Variants in UGT1A9 observed in about 807,000 individuals in gnomAD.
UGT1A9 encodes UDP-glucuronosyltransferase 1A9.
Under a neutral mutation model 45.0 loss-of-function variants are expected in UGT1A9, and 35 were observed. The observed-to-expected ratio is 0.78, with a 90% CI of 0.59 to 1.03. The LOEUF is 1.03. Ranked by LOEUF, UGT1A9 falls within the 50% of genes least tolerant of loss-of-function variation. The pLI, the probability that UGT1A9 is intolerant of heterozygous loss-of-function variation, is 0.00. For synonymous variants in UGT1A9, 278 were observed against 250.6 expected (o/e 1.11, Z -1.03); for missense variants, 687 against 666.6 (o/e 1.03, Z -0.34).
chr2:233,711,204 C>T (rs760514189), intron 1 of UGT1A9, among the ~76,000 whole-genome samples: 35 of 152,374 alleles, frequency 2.3e-4, no homozygotes, highest in Non-Finnish European at 4.4e-4. Context: ...CAGTCCTGCT[C>T]TCCCCAGTGC....
intron 1 of UGT1A9, among the ~76,000 whole-genome samples, chr2:233,733,673 A>G (rs1046219304): frequency 2.0e-5 from 3 of 152,206 alleles, no homozygotes; most frequent in African/African-American, 7.2e-5. Context: ...ATCGATGTGG[A>G]TAAACTTTTT....
In UGT1A9 at chr2:233,682,932, C is replaced by T. The variant is rs935120253; in HGVS notation, c.855+10143C>T. 4 of 1,451,804 alleles carry T rather than the reference C, an allele frequency of 2.8e-6. No homozygotes were observed. In the African/African-American group the frequency reaches 5.7e-5, roughly 21 times the overall value. The allele number at this position is 1,451,804 out of a possible 1,614,324, so 89.9% of individuals were successfully genotyped here. Reference sequence around the variant, plus strand: ...TTTAAGGAATTCTTTTGTACCAATTCACTTAATTGTTGGGTAGCAAATTGT... The same window carrying T: ...TTTAAGGAATTCTTTTGTACCAATTTACTTAATTGTTGGGTAGCAAATTGT... On this transcript the variant is annotated intron_variant, in intron 1 of 4. Coordinates refer to ENST00000354728, the MANE Select transcript of UGT1A9 (RefSeq NM_021027.3).
At chr2:233,704,862 G>T (rs991681240) in intron 1 of UGT1A9, among the ~76,000 whole-genome samples, 2 of 152,056 alleles carry the variant, frequency 1.3e-5, no homozygotes, top group African/African-American at 4.8e-5. Context: ...GGCCGGGCAC[G>T]GTGGCTCACT....
intron 1 of UGT1A9, chr2:233,740,623 G>C (rs1691436478): frequency 6.6e-6 from 1 of 151,816 alleles, no homozygotes; most frequent in Non-Finnish European, 1.5e-5. Context: ...GGGGCTCACA[G>C]GGTCATGCCT....
intron 1 of UGT1A9, among the ~76,000 whole-genome samples, chr2:233,744,317 G>C (rs1444655221): frequency 6.6e-6 from 1 of 151,846 alleles, no homozygotes; most frequent in East Asian, 1.9e-4. Flanking sequence ...GAAGAGGGTG[G>C]TGGGAGTGAG....
intron 1 of UGT1A9, chr2:233,755,226 G>C: frequency 1.0e-6 from 1 of 975,544 alleles, no homozygotes; most frequent in South Asian, 1.3e-5. Flanking sequence ...ACCCTCGGAC[G>C]AGGCCTACCG....
intron 1 of UGT1A9, among the ~76,000 whole-genome samples, chr2:233,716,657 G>A (rs533610876): frequency 4.6e-5 from 7 of 152,220 alleles, no homozygotes; most frequent in Non-Finnish European, 7.4e-5. Flanking sequence ...TGTACCCTAA[G>A]GAAGCTTTGT....
chr2:233,693,696 A>C, intron 1 of UGT1A9: 1 of 1,614,222 alleles, frequency 6.2e-7, no homozygotes, highest in Non-Finnish European at 8.5e-7. Context: ...AAGTATGAAG[A>C]ACTCGCATCA....
intron 1 of UGT1A9, among the ~76,000 whole-genome samples, chr2:233,681,403 G>A (rs1040093836): frequency 1.1e-4 from 16 of 151,602 alleles, no homozygotes; most frequent in Non-Finnish European, 1.8e-4. Flanking sequence ...GCATGGCAGC[G>A]TGCGCCTGTA....
At chr2:233,771,667 A>C (rs1238919275) in intron 4 of UGT1A9, 1 of 152,440 alleles carries the variant, frequency 6.6e-6, no homozygotes, top group African/African-American at 2.4e-5. Flanking sequence ...AATTTCTCAC[A>C]AAATATCACT....
intron 1 of UGT1A9, chr2:233,721,567 T>G (rs750626594): frequency 3.5e-4 from 56 of 162,222 alleles, no homozygotes; most frequent in Non-Finnish European, 4.6e-4. Context: ...TTCTGGGATA[T>G]CTTTTTCTTC....
At position 233,713,306 on chromosome 2, in the gene UGT1A9, T is replaced by C. The variant is rs756011184; in HGVS notation, c.855+40517T>C. The C allele has an allele frequency of 9.9e-6, 16 of 1,614,116 alleles. No homozygotes were observed. In the African/African-American group the frequency reaches 1.7e-4, roughly 17 times the overall value. ...CTCAATCGTTCTTTGAAACAGAACA[T>C]CTTCTGATGAAATTTTCTAGAAGAA... On this transcript the variant is annotated intron_variant, in intron 1 of 4. Transcript: ENST00000354728.
rs775497112 is a variant in UGT1A9 at position 233,672,763 on chromosome 2, T to G, written c.829T>G (p.Cys277Gly). 10 of 1,613,880 alleles carry G rather than the reference T, an allele frequency of 6.2e-6. No individual in the cohort carries two copies. Among genetic ancestry groups the G allele is most frequent in the Middle Eastern group, 1.7e-4 (1 of 6,054 alleles). The change falls in exon 1 of 5, where the codon TGC becomes GGC. Residue 277 changes from cysteine (C) to glycine (G), a missense_variant. Physicochemically the swap from Cys to Gly is radical, Grantham distance 159. Transcript: ENST00000354728. ...PNMIFIGGIN[C>G]HQGKPLPMEF... ...CATGATCTTCATTGGTGGTATCAAC[T>G]GCCATCAGGGAAAGCCGTTGCCTAT...
chr2:233,724,253 C>T (rs2077196300), intron 1 of UGT1A9, among the ~76,000 whole-genome samples: 1 of 128,614 alleles, frequency 7.8e-6, no homozygotes, highest in Non-Finnish European at 1.7e-5. Flanking sequence ...AGGCGCCCCT[C>T]ACCTCCCGGA....
chr2:233,673,389 A>G (rs776636188), intron 1 of UGT1A9, among the ~76,000 whole-genome samples: 6 of 152,170 alleles, frequency 3.9e-5, no homozygotes, highest in Non-Finnish European at 7.4e-5. Flanking sequence ...ATATTGATAT[A>G]GATTTAGGCA....
intron 1 of UGT1A9, among the ~76,000 whole-genome samples, chr2:233,745,254 T>TA (rs1247734907): frequency 2.6e-5 from 4 of 151,822 alleles, no homozygotes; most frequent in African/African-American, 9.7e-5. Flanking sequence ...TCGAAACCAT[T>TA]AAGACTTGCA....
rs11902620 is a variant in UGT1A9, at chr2:233,737,991, T to C, written c.856-29043T>C. Among the ~76,000 whole-genome samples, 1,168 of 152,178 alleles carry C rather than the reference T, an allele frequency of 7.7e-3. 15 individuals carry two copies. The highest frequency in any genetic ancestry group is 0.027 in the African/African-American group (1,127 of 41,508). Reference sequence around the variant, plus strand: ...AGATTTAATATGGTTTGGCTCTGTGTCCCCCACCAAATCTCATCTTGAATT... The same window carrying C: ...AGATTTAATATGGTTTGGCTCTGTGCCCCCCACCAAATCTCATCTTGAATT... On this transcript the variant is annotated intron_variant, in intron 1 of 4. Transcript: ENST00000354728.
At position 233,672,609 on chromosome 2, in the gene UGT1A9, A is replaced by G; in HGVS notation, c.675A>G (p.Lys225=). The G allele has an allele frequency of 6.2e-7, 1 of 1,613,812 alleles. No homozygotes were observed. Among genetic ancestry groups the G allele is most frequent in the Non-Finnish European group, 8.5e-7 (1 of 1,179,806 alleles). Residue 225 remains lysine (K), a synonymous_variant, in exon 1 of 5, where the codon AAA becomes AAG. Transcript: ENST00000354728. ...ATTTATTATGCCACCGTTTTTTCAAAAATGCCCTAGAAATAGCCTCTGAAA... is the reference window on the plus strand; with the variant it reads ...ATTTATTATGCCACCGTTTTTTCAAGAATGCCCTAGAAATAGCCTCTGAAA... ...EEHLLCHRFF[K]NALEIASEIL...
At chr2:233,724,799 C>T (rs559235136) in intron 1 of UGT1A9, among the ~76,000 whole-genome samples, 7 of 139,258 alleles carry the variant, frequency 5.0e-5, no homozygotes, top group Non-Finnish European at 1.1e-4. Flanking sequence ...GACGGGGTGG[C>T]GGCCGGGCAG....
Sources: allele counts gnomAD v4.1 joint callset (sites outside exome capture counted in the v4.1 genomes callset), GRCh38; gene constraint gnomAD v4.1.1; transcripts MANE v1.5; gene names NCBI Gene and HGNC (gene_info 2026-07-23, HGNC 2026-07-21).